Variants in MLXIP observed in about 807,000 individuals in gnomAD.
MLXIP encodes the protein MLX-interacting protein.
In MLXIP, 30 loss-of-function variants were observed where a neutral mutation model predicts 87.2. The observed-to-expected ratio is 0.34, with a 90% CI of 0.26 to 0.47. MLXIP has a LOEUF of 0.47. Ranked by LOEUF, MLXIP falls within the 20% of genes least tolerant of loss-of-function variation. The pLI is 1.00. For missense variants in MLXIP, 1,002 were observed against 1,240.1 expected (o/e 0.81, Z 2.88); for synonymous variants, 530 against 514.0 (o/e 1.03, Z -0.42).
At chr12:122,129,108 C>T (rs753881648) in intron 3 of MLXIP, 29 bp from the exon 4 acceptor site, 1 of 1,564,886 alleles carries the variant, frequency 6.4e-7, no homozygotes, top group Non-Finnish European at 8.7e-7. Context: ...AGAGCCCCCT[C>T]TTCACTCTGC....
intron 1 of MLXIP, among the ~76,000 whole-genome samples, chr12:122,126,367 C>T (rs190371369): frequency 7.5e-4 from 114 of 152,296 alleles, no homozygotes; most frequent in African/African-American, 2.6e-3. Flanking sequence ...AGACCGTCCC[C>T]GAGTGGAGGA....
At position 122,135,917 on chromosome 12, in the gene MLXIP, G is replaced by A. The variant is rs1953083172; in HGVS notation, c.2032+251G>A. ...TGTAGGTGACCCGTGTGCTCGGGGA[G>A]TCCCTGCTGACTGCCCACGAAGGCC... is the stretch of plus-strand genomic sequence containing the variant. On this transcript the variant is annotated intron_variant, in intron 11 of 16. Transcript: ENST00000319080. This position sits in a 1 kb window ranked among gnomAD's most constrained non-coding sequence, Gnocchi z 5.3. 1 of 467,362 alleles carries A rather than the reference G, an allele frequency of 2.1e-6. No homozygotes were observed. 29.0% of individuals were successfully genotyped at this position (467,362 alleles called of 1,614,324 possible). A position where few individuals can be genotyped will look rare whatever the true frequency, so the allele number is the denominator to read the frequency against.
Position 122,115,249 on chromosome 12 carries a change from CGGGT to C in MLXIP, c.414-12003_414-12000del, listed in dbSNP as rs570315094. 4.7e-3 allele frequency among the ~76,000 whole-genome samples: 715 copies of C among 151,758 alleles called. 4 individuals carry two copies. Among genetic ancestry groups the C allele is most frequent in the African/African-American group, 0.017 (695 of 41,386 alleles). Reference sequence around the variant, plus strand: ...TAAAAGTGAAAACTAAATCTCTGAACGGGTGGGAGGGCAGGCAGGGAAGCAGTAC... The same window carrying C: ...TAAAAGTGAAAACTAAATCTCTGAACGGGAGGGCAGGCAGGGAAGCAGTAC... On this transcript the variant is annotated intron_variant, in intron 1 of 16. Transcript: ENST00000319080.
At chr12:122,081,086 T>C (rs1952084507) in intron 1 of MLXIP, among the ~76,000 whole-genome samples, 1 of 146,740 alleles carries the variant, frequency 6.8e-6, no homozygotes. Flanking sequence ...AGTAATGGCA[T>C]TTTTTTTTTC....
At chr12:122,102,411 G>A (rs1952451239) in intron 1 of MLXIP, among the ~76,000 whole-genome samples, 1 of 152,164 alleles carries the variant, frequency 6.6e-6, no homozygotes, top group Admixed American at 6.5e-5. Context: ...GCATTAGCCT[G>A]TGGAAAGTGT....
chr12:122,120,981 C>T (rs1198806415), intron 1 of MLXIP, among the ~76,000 whole-genome samples: 1 of 146,220 alleles, frequency 6.8e-6, no homozygotes, highest in Non-Finnish European at 1.5e-5. Context: ...AGACCTATAA[C>T]GATAGCCCCA....
intron 1 of MLXIP, among the ~76,000 whole-genome samples, chr12:122,087,520 G>A (rs1952186205): frequency 6.6e-6 from 1 of 152,188 alleles, no homozygotes; most frequent in Non-Finnish European, 1.5e-5. Context: ...CCAGGTGCGG[G>A]AAGAGGCCCA....
At chr12:122,129,312 T>C in intron 4 of MLXIP, 86 bp downstream of exon 4, 2 of 1,228,236 alleles carry the variant, frequency 1.6e-6, no homozygotes, top group South Asian at 1.3e-5. Flanking sequence ...GGCGGTAGGC[T>C]CCACAGCCGC....
rs1332525673 is a variant in MLXIP, at chr12:122,133,228, G to A, written c.1093-120G>A. On this transcript the variant is annotated intron_variant, in intron 8 of 16. Transcript: ENST00000319080. This position sits in a 1 kb window ranked among gnomAD's most constrained non-coding sequence, Gnocchi z 4.9. ...GATCAGCAGCCATGGACGTGGAGAC[G>A]TGGCCTTTGTCCCTCTGTCCCAGCG... The A allele has an allele frequency of 1.1e-5, 13 of 1,131,756 alleles. No homozygotes were observed. The highest frequency in any genetic ancestry group is 4.9e-5 in the East Asian group (2 of 40,548). The allele number at this position is 1,131,756 out of a possible 1,614,324, so 70.1% of individuals were successfully genotyped here.
rs537452573 is a variant in MLXIP at position 122,137,225 on chromosome 12, G to A, written c.2033-244G>A. ...AAAGCGACACCAGTGACTGGAACACGTCACACAGGGTTGCTCCATCGTGTT... is the reference window on the plus strand; with the variant it reads ...AAAGCGACACCAGTGACTGGAACACATCACACAGGGTTGCTCCATCGTGTT... On this transcript the variant is annotated intron_variant, in intron 11 of 16. Transcript: ENST00000319080. This position sits in a 1 kb window ranked among gnomAD's most constrained non-coding sequence, Gnocchi z 4.1. 16 of 347,612 alleles carry A rather than the reference G, an allele frequency of 4.6e-5. No homozygotes were observed. In the South Asian group the frequency reaches 8.2e-4, roughly 18 times the overall value. The allele number at this position is 347,612 out of a possible 1,614,324, so 21.5% of individuals were successfully genotyped here. A position where few individuals can be genotyped will look rare whatever the true frequency, so the allele number is the denominator to read the frequency against.
At chr12:122,126,628 C>T (rs1565980162) in intron 1 of MLXIP, among the ~76,000 whole-genome samples, 1 of 152,110 alleles carries the variant, frequency 6.6e-6, no homozygotes, top group South Asian at 2.1e-4. Flanking sequence ...AGGCAGGCCA[C>T]GACCAGGTCA....
intron 16 of MLXIP, 165 bp from the exon 17 acceptor site, chr12:122,141,526 G>A (rs1175338933): frequency 1.4e-6 from 1 of 713,126 alleles, no homozygotes; most frequent in Non-Finnish European, 1.7e-6. Context: ...AGGGGTGAGT[G>A]CCCAGGTCTC....
At chr12:122,103,839 T>C (rs1383656859) in intron 1 of MLXIP, among the ~76,000 whole-genome samples, 1 of 102,146 alleles carries the variant, frequency 9.8e-6, no homozygotes, top group East Asian at 2.8e-4. Context: ...TAATTTTGTT[T>C]GTTTTTTTTT....
intron 8 of MLXIP, 55 bp downstream of exon 8, chr12:122,132,438 C>T: frequency 2.1e-6 from 3 of 1,410,772 alleles, no homozygotes; most frequent in Non-Finnish European, 2.0e-6. Context: ...CAGGGCTGCT[C>T]ATCAAAGGTT....
intron 1 of MLXIP, among the ~76,000 whole-genome samples, chr12:122,093,627 G>A (rs1244830077): frequency 4.2e-5 from 6 of 142,990 alleles, no homozygotes; most frequent in African/African-American, 1.6e-4. Context: ...TGTGGTGTGT[G>A]TGTTGGTGTG....
At chr12:122,100,691 G>A (rs959188297) in intron 1 of MLXIP, among the ~76,000 whole-genome samples, 1 of 152,086 alleles carries the variant, frequency 6.6e-6, no homozygotes, top group Non-Finnish European at 1.5e-5. Flanking sequence ...TTTTTGTCTG[G>A]TGTCTCCCAT....
chr12:122,125,131 A>G (rs1952860549), intron 1 of MLXIP, among the ~76,000 whole-genome samples: 1 of 152,190 alleles, frequency 6.6e-6, no homozygotes, highest in South Asian at 2.1e-4. Flanking sequence ...GCGCCATTGC[A>G]CTCCAGCCTG....
At chr12:122,136,029 T>C in intron 11 of MLXIP, 1 of 211,306 alleles carries the variant, frequency 4.7e-6, no homozygotes. Context: ...GGGGTTGCTG[T>C]GGCCACAGAA....
intron 1 of MLXIP, among the ~76,000 whole-genome samples, chr12:122,097,613 T>TAA (rs373093831): frequency 2.0e-3 from 285 of 140,584 alleles, no homozygotes; most frequent in African/African-American, 5.7e-3. Context: ...ACCCTGCCTC[T>TAA]AAAAAAAAAA....
Sources: gnomAD v4.1 joint callset for allele counts (sites outside exome capture counted in the v4.1 genomes callset) on GRCh38, gnomAD v4.1.1 for gene constraint, Gnocchi (gnomAD v3.1) non-coding constraint, MANE v1.5 for transcripts, NCBI Gene and HGNC (gene_info 2026-07-23, HGNC 2026-07-21) for gene names.